The following ERO1B variants were observed in gnomAD, a reference collection of about 807,000 sequenced individuals.
The protein encoded by ERO1B is ERO1-like protein beta.
Under a neutral mutation model 75.3 loss-of-function variants are expected in ERO1B, and 49 were observed. The ratio of observed to expected loss-of-function variants is 0.65; its 90% CI spans 0.52 to 0.83. The LOEUF is 0.83. Among genes scored for constraint, ERO1B ranks in the 40% least tolerant of loss-of-function variants. ERO1B has a pLI of 0.00. For missense variants in ERO1B, 512 were observed against 560.1 expected, an observed-to-expected ratio of 0.91 and a Z score of 0.87; for synonymous variants, 191 against 192.9, an observed-to-expected ratio of 0.99 and a Z score of 0.08.
Position 236,215,804 on chromosome 1 carries a change from G to A in ERO1B, c.*2712C>T, listed in dbSNP as rs945437294. 2.6e-5 allele frequency: 4 copies of A among 152,106 alleles called. No individual in the cohort carries two copies. Among genetic ancestry groups the A allele is most frequent in the African/African-American group, 4.8e-5 (2 of 41,408 alleles). 9.4% of individuals were successfully genotyped at this position (152,106 alleles called of 1,614,324 possible). On this transcript the variant is annotated 3_prime_UTR_variant, in exon 16 of 16. Transcript: ENST00000354619. ...TGCAAACTACTGAGAGGTTTACTGTGAACTGTTCCCAAATTTTCAGCTGAA... is the reference window on the plus strand; with the variant it reads ...TGCAAACTACTGAGAGGTTTACTGTAAACTGTTCCCAAATTTTCAGCTGAA...
chr1:236,269,905 C>T lies in ERO1B; in HGVS notation c.192G>A (p.Leu64=), dbSNP rs199810928. ...TYKIFPKIKK[L]QERDYFRYYK... is the part of the protein sequence containing the mutation. ...AATAACGAAAATAGTCTCTCTCTTG[C>T]AATTTTTTTATTTTGGGGAAGATTT... The change falls in exon 2 of 16, where the codon TTG becomes TTA. Residue 64 remains leucine, a synonymous_variant. Coordinates refer to ENST00000354619, the MANE Select transcript of ERO1B (RefSeq NM_019891.4). The T allele has an allele frequency of 1.9e-5, 31 of 1,597,560 alleles. No homozygotes were observed. In the Admixed American group the frequency reaches 4.5e-4, roughly 23 times the overall value.
At position 236,215,632 on chromosome 1, in the gene ERO1B, A is replaced by G. The variant is rs1240163589; in HGVS notation, c.*2884T>C. 6.6e-6 allele frequency: 1 copy of G among 152,208 alleles called. No individual in the cohort carries two copies. Among genetic ancestry groups the G allele is most frequent in the East Asian group, 1.9e-4 (1 of 5,200 alleles). 9.4% of individuals were successfully genotyped at this position (152,208 alleles called of 1,614,324 possible). ...AGTAAATTATTTGGAATTCTGTTCA[A>G]AATCAAAGCTGCACCTGTAGATATT... On this transcript the variant is annotated 3_prime_UTR_variant, in exon 16 of 16. Transcript: ENST00000354619.
intron 1 of ERO1B, among the ~76,000 whole-genome samples, chr1:236,275,678 C>T (rs1665694994): frequency 6.6e-6 from 1 of 152,154 alleles, no homozygotes; most frequent in Non-Finnish European, 1.5e-5. Context: ...GCCCCCAATC[C>T]TGAGGCTATC....
chr1:236,218,702 G>T, intron 15 of ERO1B, 126 bp from the exon 16 acceptor site: 1 of 820,908 alleles, frequency 1.2e-6, no homozygotes. Flanking sequence ...AAACACTGAA[G>T]CTTCCATGTT....
intron 1 of ERO1B, among the ~76,000 whole-genome samples, chr1:236,281,189 A>G (rs1198502849): frequency 6.6e-6 from 1 of 152,212 alleles, no homozygotes; most frequent in Non-Finnish European, 1.5e-5. Flanking sequence ...CTAGTCCGAC[A>G]GTTCGAGTGA....
At chr1:236,228,656 A>T (rs1408935656) in intron 10 of ERO1B, among the ~76,000 whole-genome samples, 3 of 152,210 alleles carry the variant, frequency 2.0e-5, no homozygotes, top group South Asian at 2.1e-4. Context: ...GGTTGCATTT[A>T]CTGTAACAGT....
intron 1 of ERO1B, among the ~76,000 whole-genome samples, chr1:236,271,649 C>T (rs1009210859): frequency 6.6e-6 from 1 of 151,662 alleles, no homozygotes; most frequent in Non-Finnish European, 1.5e-5. Flanking sequence ...AATATTTTAT[C>T]TAGTGATTGT....
At chr1:236,252,169 C>T (rs1572054757) in intron 3 of ERO1B, 78 bp from the exon 4 acceptor site, 2 of 877,960 alleles carry the variant, frequency 2.3e-6, no homozygotes, top group South Asian at 1.4e-5. Context: ...ATTGTCAATG[C>T]ATTGCTCTAT....
intron 13 of ERO1B, among the ~76,000 whole-genome samples, chr1:236,223,602 T>C (rs1170079688): frequency 6.6e-6 from 1 of 152,230 alleles, no homozygotes; most frequent in Admixed American, 6.5e-5. Flanking sequence ...TTCTCCTTCA[T>C]ACATTCTTGA....
chr1:236,226,175 G>C, intron 12 of ERO1B, 94 bp downstream of exon 12: 1 of 1,281,230 alleles, frequency 7.8e-7, no homozygotes, highest in Non-Finnish European at 1.1e-6. Flanking sequence ...TCTCCCCTCG[G>C]TTAACTTTTA....
intron 2 of ERO1B, among the ~76,000 whole-genome samples, chr1:236,264,832 T>G (rs550393100): frequency 1.1e-4 from 16 of 151,178 alleles, no homozygotes; most frequent in African/African-American, 3.4e-4. Context: ...GCAACAAAGG[T>G]GAGACTGTCT....
At chr1:236,275,004 G>A (rs561593696) in intron 1 of ERO1B, among the ~76,000 whole-genome samples, 3 of 152,326 alleles carry the variant, frequency 2.0e-5, no homozygotes, top group East Asian at 3.9e-4. Context: ...GGCATTGGGA[G>A]TGAGTGCAAA....
intron 2 of ERO1B, among the ~76,000 whole-genome samples, chr1:236,263,164 C>T (rs543120262): frequency 8.5e-5 from 13 of 152,300 alleles, no homozygotes; most frequent in African/African-American, 3.1e-4. Flanking sequence ...ACACTTATCA[C>T]TGTCTCAGCA....
rs772176506 is a variant in ERO1B at position 236,226,364 on chromosome 1, T to C, written c.957A>G (p.Pro319=). 2 of 1,614,096 alleles carry C rather than the reference T, an allele frequency of 1.2e-6. No homozygotes were observed. Among genetic ancestry groups the C allele is most frequent in the South Asian group, 1.1e-5 (1 of 91,072 alleles). ...IELRALSKVA[P]YFERSIVDLY... ...GATCGACAATTGAGCGCTCAAAATA[T>C]GGAGCCACCTTTGACAAAGCTCGAA... The change falls in exon 12 of 16, where the codon CCA becomes CCG. Residue 319 remains proline (P), a synonymous_variant. Transcript: ENST00000354619.
chr1:236,264,258 C>A (rs1402496544), intron 2 of ERO1B, among the ~76,000 whole-genome samples: 2 of 152,114 alleles, frequency 1.3e-5, no homozygotes, highest in African/African-American at 4.8e-5. Context: ...CAGGCACACG[C>A]CACCATGCCC....
At chr1:236,262,925 G>A (rs1189621846) in intron 2 of ERO1B, among the ~76,000 whole-genome samples, 1 of 152,042 alleles carries the variant, frequency 6.6e-6, no homozygotes, top group African/African-American at 2.4e-5. Flanking sequence ...TTCCTCTGGT[G>A]GCCTTCATCC....
intron 9 of ERO1B, among the ~76,000 whole-genome samples, chr1:236,230,925 C>T (rs1163923725): frequency 4.7e-5 from 7 of 149,552 alleles, no homozygotes; most frequent in African/African-American, 1.7e-4. Flanking sequence ...CAAGATCCTG[C>T]CTCTTTTAAA....
intron 10 of ERO1B, among the ~76,000 whole-genome samples, chr1:236,228,272 G>C (rs1664324415): frequency 6.6e-6 from 1 of 152,184 alleles, no homozygotes; most frequent in African/African-American, 2.4e-5. Context: ...TAAGTGAGGG[G>C]AGAGGAATAG....
chr1:236,249,749 GA>G (rs1664970842), intron 5 of ERO1B, 135 bp downstream of exon 5: 1 of 598,012 alleles, frequency 1.7e-6, no homozygotes, highest in Non-Finnish European at 2.7e-6. Flanking sequence ...TTAGGATAAA[GA>G]AAAACTTTTT....
Sources: allele counts gnomAD v4.1 joint callset (sites outside exome capture counted in the v4.1 genomes callset), GRCh38; gene constraint gnomAD v4.1.1; transcripts MANE v1.5; gene names NCBI Gene and HGNC (gene_info 2026-07-23, HGNC 2026-07-21).